SOX5: variants seen among roughly 807,000 people sequenced by gnomAD.
SOX5 encodes the protein transcription factor SOX-5.
A neutral mutation model predicts 92.0 loss-of-function variants in SOX5; 9 were observed. That is an observed-to-expected ratio of 0.10 (90% CI 0.06 to 0.17). The LOEUF (loss-of-function observed/expected upper bound fraction) is 0.17, where lower values mean the gene tolerates loss of function less well. Ranked by LOEUF, SOX5 falls within the 10% of genes least tolerant of loss-of-function variation. The pLI is 1.00. For synonymous variants in SOX5, 344 were observed against 336.3 expected (o/e 1.02, Z -0.25); for missense variants, 642 against 944.5 (o/e 0.68, Z 4.20).
chr12:24,099,635 G>C (rs891006172), intron 4 of SOX5, among the ~76,000 whole-genome samples: 3 of 152,112 alleles, frequency 2.0e-5, no homozygotes, highest in Non-Finnish European at 4.4e-5. Context: ...GGGAAAGGAA[G>C]CTTCAGTCTT....
chr12:24,177,183 T>C (rs1954916351), intron 4 of SOX5, among the ~76,000 whole-genome samples: 1 of 152,098 alleles, frequency 6.6e-6, no homozygotes, highest in African/African-American at 2.4e-5. Context: ...ACTCACATAA[T>C]TAGGGAGGTG....
At chr12:24,004,884 A>G (rs1256379131) in intron 4 of SOX5, among the ~76,000 whole-genome samples, 2 of 152,190 alleles carry the variant, frequency 1.3e-5, no homozygotes, top group Non-Finnish European at 1.5e-5. Context: ...TCAATGGGTG[A>G]AAGAATAAAC....
chr12:23,964,745 A>T (rs1452979376), intron 4 of SOX5, among the ~76,000 whole-genome samples: 4 of 152,218 alleles, frequency 2.6e-5, no homozygotes, highest in African/African-American at 4.8e-5. Context: ...TGACTTTATT[A>T]GATTATTTTA....
intron 6 of SOX5, among the ~76,000 whole-genome samples, chr12:23,675,724 G>A (rs1342196681): frequency 6.6e-6 from 1 of 152,038 alleles, no homozygotes; most frequent in East Asian, 1.9e-4. Context: ...GTTCTGCACA[G>A]CAAAGGAAAT....
intron 4 of SOX5, among the ~76,000 whole-genome samples, chr12:23,988,499 G>C (rs1950255694): frequency 6.6e-6 from 1 of 152,156 alleles, no homozygotes; most frequent in Non-Finnish European, 1.5e-5. Context: ...TAAGAGATAT[G>C]TGCATCTAAG....
chr12:23,985,553 G>T (rs572857499), intron 4 of SOX5, among the ~76,000 whole-genome samples: 3 of 152,102 alleles, frequency 2.0e-5, no homozygotes, highest in African/African-American at 7.2e-5. Flanking sequence ...ATGACCAAAA[G>T]GTTCTGCATA....
chr12:24,106,629 T>G (rs954509857), intron 4 of SOX5, among the ~76,000 whole-genome samples: 6 of 151,538 alleles, frequency 4.0e-5, no homozygotes, highest in African/African-American at 1.5e-4. Flanking sequence ...CCGTCTCTAT[T>G]AAAAATACAA....
intron 2 of SOX5, among the ~76,000 whole-genome samples, chr12:24,341,519 C>T (rs1160130950): frequency 1.3e-5 from 2 of 152,154 alleles, no homozygotes; most frequent in African/African-American, 4.8e-5. Context: ...TGATTCTTTA[C>T]TTTTATAATC....
rs1011177614 is a variant in SOX5, at chr12:24,414,617, C to T, written c.-250-45978G>A. ...CTGCCTGCCTCTCACCCAGAGGTGC[C>T]ACATGTGATGACGGACAGGAAAAGA... On this transcript the variant is annotated intron_variant, in intron 1 of 4. Coordinates refer to the SOX5 transcript ENST00000446891. 3.3e-5 allele frequency among the ~76,000 whole-genome samples: 5 copies of T among 152,134 alleles called. No individual in the cohort carries two copies. The South Asian group carries it at 1.0e-3, about 32-fold the overall frequency.
At chr12:23,640,303 TA>T (rs2079878405) in intron 8 of SOX5, among the ~76,000 whole-genome samples, 1 of 152,196 alleles carries the variant, frequency 6.6e-6, no homozygotes, top group African/African-American at 2.4e-5. Flanking sequence ...ATGACTGGGA[TA>T]AAGTTGTGCT....
At chr12:24,046,935 C>T (rs971536509) in intron 4 of SOX5, among the ~76,000 whole-genome samples, 3 of 152,158 alleles carry the variant, frequency 2.0e-5, no homozygotes, top group African/African-American at 7.2e-5. Flanking sequence ...GATCCACCTG[C>T]CTCAGCCTCC....
chr12:24,277,477 T>A (rs1194561668), intron 2 of SOX5, among the ~76,000 whole-genome samples: 1 of 58,648 alleles, frequency 1.7e-5, no homozygotes, highest in African/African-American at 3.2e-5. Flanking sequence ...TTTAAATATA[T>A]AAATATATAT....
chr12:24,050,365 C>T (rs1175756417), intron 4 of SOX5, among the ~76,000 whole-genome samples: 1 of 152,138 alleles, frequency 6.6e-6, no homozygotes, highest in Non-Finnish European at 1.5e-5. Context: ...TAAGCTTCGT[C>T]AGCAAACACG....
At chr12:24,068,702 GTGTATATATATATATATATATATA>G (rs1168406527) in intron 4 of SOX5, among the ~76,000 whole-genome samples, 1 of 53,028 alleles carries the variant, frequency 1.9e-5, no homozygotes, top group African/African-American at 8.2e-5. Context: ...GTGTGTGTGT[GTGTATATATATATATATATATATA>G]TATATATATA....
intron 2 of SOX5, among the ~76,000 whole-genome samples, chr12:24,290,254 A>T (rs1010081860): frequency 6.6e-6 from 1 of 152,210 alleles, no homozygotes; most frequent in Non-Finnish European, 1.5e-5. Flanking sequence ...ATTTATTTTG[A>T]TATCTTAGTC....
chr12:24,449,590 AT>A (rs1185810962), intron 1 of SOX5, among the ~76,000 whole-genome samples: 6 of 152,202 alleles, frequency 3.9e-5, no homozygotes, highest in Non-Finnish European at 7.3e-5. Context: ...TGTGCAGCTT[AT>A]TTACAGCTGT....
At chr12:24,302,030 G>C (rs979622654) in intron 2 of SOX5, among the ~76,000 whole-genome samples, 1 of 151,884 alleles carries the variant, frequency 6.6e-6, no homozygotes, top group African/African-American at 2.4e-5. Flanking sequence ...AATATCTTTA[G>C]TGTAATAGAC....
intron 3 of SOX5, among the ~76,000 whole-genome samples, chr12:23,758,734 G>A (rs766886439): frequency 4.6e-5 from 7 of 152,016 alleles, no homozygotes; most frequent in Non-Finnish European, 8.8e-5. Flanking sequence ...GTGTTGGGAG[G>A]TGAGGCCTAA....
Position 24,412,880 on chromosome 12 carries a change from C to T in SOX5, c.-250-44241G>A, listed in dbSNP as rs146579908. 1.2e-3 allele frequency among the ~76,000 whole-genome samples: 180 copies of T among 151,796 alleles called. 7 individuals are homozygous for T. The East Asian group carries it at 0.032, about 27-fold the overall frequency. ...CACCATTCTCCTGGCCTCAGCATCC[C>T]GAGTAGCTGGGACTACAGGTGCCCA... On this transcript the variant is annotated intron_variant, in intron 1 of 4. Transcript: ENST00000446891.
Sources: allele counts gnomAD v4.1 joint callset (sites outside exome capture counted in the v4.1 genomes callset), GRCh38; gene constraint gnomAD v4.1.1; transcripts MANE v1.5; gene names NCBI Gene and HGNC (gene_info 2026-07-23, HGNC 2026-07-21).